Variants in STIM1 observed in about 807,000 individuals in gnomAD.
STIM1 encodes stromal interaction molecule 1.
Under a neutral mutation model 74.7 loss-of-function variants are expected in STIM1, and 25 were observed. That is an observed-to-expected ratio of 0.33 (90% CI 0.24 to 0.47). The LOEUF is 0.47. STIM1 is among the 20% of genes least tolerant of loss of function. The pLI is 1.00. For synonymous variants in STIM1, 328 were observed against 348.8 expected (o/e 0.94, Z 0.66); for missense variants, 728 against 920.8 (o/e 0.79, Z 2.71).
intron 2 of STIM1, among the ~76,000 whole-genome samples, chr11:3,993,675 C>CTTTTTATTT (rs2093635457): frequency 6.6e-6 from 1 of 151,924 alleles, no homozygotes; most frequent in African/African-American, 2.4e-5. Flanking sequence ...AAAAACGAAA[C>CTTTTTATTT]AAAAACCCCA....
At chr11:3,901,820 G>C (rs917930794) in intron 1 of STIM1, among the ~76,000 whole-genome samples, 2 of 152,220 alleles carry the variant, frequency 1.3e-5, no homozygotes, top group African/African-American at 4.8e-5. Context: ...CACTCCAGCA[G>C]TGCAGCCACA....
intron 3 of STIM1, among the ~76,000 whole-genome samples, chr11:4,042,737 G>A (rs1361372225): frequency 2.0e-5 from 3 of 152,110 alleles, no homozygotes; most frequent in African/African-American, 7.2e-5. Context: ...CTTTGTTCAC[G>A]ATTCTTTCTT....
intron 1 of STIM1, among the ~76,000 whole-genome samples, chr11:3,952,964 G>A (rs147440104): frequency 1.1e-4 from 17 of 152,316 alleles, no homozygotes; most frequent in Non-Finnish European, 1.9e-4. Context: ...GGCCTGCTTG[G>A]TGGTGACTAG....
chr11:3,911,906 C>CTGT (rs138277695), intron 1 of STIM1, among the ~76,000 whole-genome samples: 15 of 152,200 alleles, frequency 9.9e-5, no homozygotes, highest in East Asian at 5.8e-4. Context: ...CACTGCTTTG[C>CTGT]TGTTGTTGTT....
intron 12 of STIM1, among the ~76,000 whole-genome samples, chr11:4,089,325 T>C (rs2094510522): frequency 6.6e-6 from 1 of 152,054 alleles, no homozygotes; most frequent in African/African-American, 2.4e-5. Context: ...TTCTCCTCCT[T>C]GGTGTTAGAG....
At chr11:3,889,379 T>C (rs1172701168) in intron 1 of STIM1, among the ~76,000 whole-genome samples, 1 of 151,176 alleles carries the variant, frequency 6.6e-6, no homozygotes, top group Non-Finnish European at 1.5e-5. Context: ...TTTTTTTTTT[T>C]TTTTTTGAGA....
intron 3 of STIM1, among the ~76,000 whole-genome samples, chr11:4,036,206 A>G (rs954354004): frequency 6.6e-6 from 1 of 152,110 alleles, no homozygotes; most frequent in Non-Finnish European, 1.5e-5. Flanking sequence ...TCATGGGTGC[A>G]TAGTATTCCA....
chr11:4,021,560 C>G (rs1384868902), intron 2 of STIM1, among the ~76,000 whole-genome samples: 2 of 152,214 alleles, frequency 1.3e-5, no homozygotes, highest in African/African-American at 4.8e-5. Context: ...TTTATGCCAG[C>G]ACCATGCTGT....
At chr11:4,010,195 G>T (rs1449295951) in intron 2 of STIM1, among the ~76,000 whole-genome samples, 1 of 143,870 alleles carries the variant, frequency 7.0e-6, no homozygotes, top group African/African-American at 2.5e-5. Context: ...TTTTGAGACA[G>T]AGTCTGGCCT....
At chr11:3,875,674 C>T (rs1009063861) in intron 1 of STIM1, among the ~76,000 whole-genome samples, 29 of 150,706 alleles carry the variant, frequency 1.9e-4, no homozygotes, top group African/African-American at 6.8e-4. Flanking sequence ...TAAATTGAGC[C>T]AAGATCATGC....
chr11:3,958,718 C>G (rs185591505), intron 1 of STIM1, among the ~76,000 whole-genome samples: 125 of 152,182 alleles, frequency 8.2e-4, no homozygotes, highest in Non-Finnish European at 9.1e-4. Flanking sequence ...ACCTGTAATT[C>G]CAGCACTTTG....
chr11:4,047,850 A>C (rs1590672323), intron 3 of STIM1, among the ~76,000 whole-genome samples: 1 of 139,422 alleles, frequency 7.2e-6, no homozygotes, highest in Admixed American at 7.5e-5. Context: ...ATGGAGTCTC[A>C]CTCTGTCACC....
At chr11:3,947,437 C>T (rs2093091828) in intron 1 of STIM1, 1 of 152,204 alleles carries the variant, frequency 6.6e-6, no homozygotes, top group Non-Finnish European at 1.5e-5. Context: ...TTCCTCCTCT[C>T]TGGAGCCAGA....
chr11:3,965,560 TTAATCTTTGGG>T (rs1265398526), intron 1 of STIM1, among the ~76,000 whole-genome samples: 6 of 152,230 alleles, frequency 3.9e-5, no homozygotes, highest in African/African-American at 9.6e-5. Flanking sequence ...AAACAATGCC[TTAATCTTTGGG>T]TGTATTCTGC....
intron 1 of STIM1, among the ~76,000 whole-genome samples, chr11:3,872,465 G>T (rs561474241): frequency 6.6e-5 from 10 of 152,140 alleles, no homozygotes; most frequent in African/African-American, 2.4e-4. Context: ...ATTGGCTTTT[G>T]AGTACAATAT....
intron 1 of STIM1, among the ~76,000 whole-genome samples, chr11:3,957,399 G>A (rs2093228520): frequency 6.6e-6 from 1 of 151,898 alleles, no homozygotes; most frequent in South Asian, 2.1e-4. Context: ...TGGGATTACA[G>A]GCGCCCGCCA....
At chr11:3,865,114 A>G (rs936296081) in intron 1 of STIM1, among the ~76,000 whole-genome samples, 2 of 152,156 alleles carry the variant, frequency 1.3e-5, no homozygotes, top group Non-Finnish European at 2.9e-5. Context: ...TGTAGATGGC[A>G]TTGAATTGGG....
chr11:3,930,077 G>T (rs897135568), intron 1 of STIM1, among the ~76,000 whole-genome samples: 22 of 152,156 alleles, frequency 1.4e-4, no homozygotes, highest in African/African-American at 4.8e-5. Context: ...GGCCTCATGG[G>T]TGTCTGTGCT....
chr11:3,900,585 C>G (rs547974014), intron 1 of STIM1, among the ~76,000 whole-genome samples: 17 of 152,302 alleles, frequency 1.1e-4, no homozygotes, highest in Admixed American at 8.5e-4. Context: ...GGCTCCCGAC[C>G]TGTTTGTTTG....
Sources: allele counts gnomAD v4.1 joint callset (sites outside exome capture counted in the v4.1 genomes callset), GRCh38; gene constraint gnomAD v4.1.1; transcripts MANE v1.5; gene names NCBI Gene and HGNC (gene_info 2026-07-23, HGNC 2026-07-21).